Variants in KCNH8 observed in about 807,000 individuals in gnomAD.
KCNH8 encodes voltage-gated delayed rectifier potassium channel KCNH8.
In KCNH8, 70 loss-of-function variants were observed where a neutral mutation model predicts 103.6. The ratio of observed to expected loss-of-function variants is 0.68; its 90% confidence interval spans 0.56 to 0.82. The LOEUF (loss-of-function observed/expected upper bound fraction) is 0.82. Ranked by LOEUF, KCNH8 falls within the 40% of genes least tolerant of loss-of-function variation. KCNH8 has a pLI of 0.00. For synonymous variants in KCNH8, 498 were observed against 489.4 expected (o/e 1.02, Z -0.23); for missense variants, 1,217 against 1,329.9 (o/e 0.92, Z 1.32).
chr3:19,305,582 A>G (rs981818232), intron 3 of KCNH8, among the ~76,000 whole-genome samples: 2 of 152,064 alleles, frequency 1.3e-5, no homozygotes, highest in African/African-American at 4.8e-5. Context: ...ATCAAAACCT[A>G]TTGAGAGAAA....
intron 1 of KCNH8, among the ~76,000 whole-genome samples, chr3:19,183,213 A>T (rs1452127823): frequency 1.3e-5 from 2 of 152,210 alleles, no homozygotes; most frequent in Admixed American, 6.5e-5. Flanking sequence ...AGGAAATGAG[A>T]TATGTAATTA....
intron 2 of KCNH8, among the ~76,000 whole-genome samples, chr3:19,274,837 TCCCCACCCCTCCCCTCCCCTCCCCA>T (rs2064641468): frequency 9.8e-5 from 1 of 10,178 alleles, no homozygotes; most frequent in East Asian, 3.0e-3. Flanking sequence ...TTCCCTCCCC[TCCCCACCCCTCCCCTCCCCTCCCCA>T]CCCCTCCCCT....
intron 1 of KCNH8, among the ~76,000 whole-genome samples, chr3:19,252,170 A>G (rs1399956618): frequency 6.6e-6 from 1 of 152,090 alleles, no homozygotes; most frequent in Non-Finnish European, 1.5e-5. Context: ...CATCTCCAAC[A>G]TGCATCTTTT....
chr3:19,228,956 G>A (rs115731460), intron 1 of KCNH8, among the ~76,000 whole-genome samples: 1,920 of 152,288 alleles, frequency 0.013, 37 homozygotes, highest in African/African-American at 0.042. Context: ...CAGCGAAGCC[G>A]GATCTTGGAA....
intron 1 of KCNH8, among the ~76,000 whole-genome samples, chr3:19,153,403 A>G (rs1404682652): frequency 3.3e-5 from 5 of 152,078 alleles, no homozygotes; most frequent in Admixed American, 2.0e-4. Context: ...ATTTTTCATT[A>G]CTGTCAGTTC....
At chr3:19,159,450 A>G (rs984602801) in intron 1 of KCNH8, among the ~76,000 whole-genome samples, 4 of 152,144 alleles carry the variant, frequency 2.6e-5, no homozygotes, top group African/African-American at 9.6e-5. Flanking sequence ...AGGAAACTAC[A>G]CACCCATATT....
chr3:19,519,544 G>A (rs1032172499), intron 15 of KCNH8, among the ~76,000 whole-genome samples: 6 of 150,292 alleles, frequency 4.0e-5, no homozygotes, highest in East Asian at 2.0e-4. Context: ...CCGAAGGACC[G>A]ACTAACAAGG....
At chr3:19,284,911 G>GA (rs1488292966) in intron 3 of KCNH8, among the ~76,000 whole-genome samples, 5 of 149,184 alleles carry the variant, frequency 3.4e-5, no homozygotes, top group East Asian at 1.9e-4. Context: ...GAAAAGGAAA[G>GA]AAAGAAAAGA....
intron 3 of KCNH8, among the ~76,000 whole-genome samples, chr3:19,341,692 A>C (rs1221383028): frequency 6.6e-6 from 1 of 152,120 alleles, no homozygotes; most frequent in Admixed American, 6.6e-5. Context: ...ATGAACAATA[A>C]ATATTTAAAG....
intron 8 of KCNH8, among the ~76,000 whole-genome samples, chr3:19,445,343 G>A (rs1217837972): frequency 6.6e-6 from 1 of 151,608 alleles, no homozygotes; most frequent in Admixed American, 6.6e-5. Flanking sequence ...ATTGTGAAGG[G>A]GACACAGGGA....
intron 2 of KCNH8, among the ~76,000 whole-genome samples, chr3:19,274,929 G>A (rs1307923805): frequency 7.4e-6 from 1 of 135,226 alleles, no homozygotes; most frequent in East Asian, 2.3e-4. Flanking sequence ...CAGATATTCT[G>A]ACTTAACATA....
chr3:19,155,797 A>G (rs2063175623), intron 1 of KCNH8, among the ~76,000 whole-genome samples: 1 of 152,156 alleles, frequency 6.6e-6, no homozygotes, highest in Admixed American at 6.5e-5. Flanking sequence ...CTATACTTCC[A>G]CATGGCCTTG....
intron 5 of KCNH8, among the ~76,000 whole-genome samples, chr3:19,357,889 A>AAT (rs909378196): frequency 3.0e-4 from 46 of 151,708 alleles, no homozygotes; most frequent in African/African-American, 9.4e-4. Context: ...TAATAGAAGG[A>AAT]ATATATATAT....
intron 2 of KCNH8, among the ~76,000 whole-genome samples, chr3:19,272,703 A>G (rs892998284): frequency 6.6e-6 from 1 of 152,162 alleles, no homozygotes; most frequent in Non-Finnish European, 1.5e-5. Context: ...ATTAAGTGGC[A>G]TTTTCATGAA....
chr3:19,212,947 T>C (rs74580732), intron 1 of KCNH8, among the ~76,000 whole-genome samples: 6,191 of 152,246 alleles, frequency 0.041, 443 homozygotes, highest in African/African-American at 0.14. Context: ...ATTTTTTCAA[T>C]GAGAAAACTG....
intron 5 of KCNH8, among the ~76,000 whole-genome samples, chr3:19,356,548 A>G (rs1444963728): frequency 1.3e-5 from 2 of 152,062 alleles, no homozygotes. Context: ...GTTGCCTGTT[A>G]GTTACAAAGT....
chr3:19,301,710 A>G (rs1051983551), intron 3 of KCNH8, among the ~76,000 whole-genome samples: 2 of 152,118 alleles, frequency 1.3e-5, no homozygotes, highest in Non-Finnish European at 1.5e-5. Flanking sequence ...CTCCCATAAA[A>G]TTGTGCCCAT....
At position 19,188,498 on chromosome 3, in the gene KCNH8, A is replaced by AGAGG. The variant is rs1019663071; in HGVS notation, c.76+39705_76+39708dup. On this transcript the variant is annotated intron_variant, in intron 1 of 15. Transcript: ENST00000328405. ...AACATGTGGTGGGGTGATTATGTCC[A>AGAGG]GAGGGCCTTAGTTTGCTAACTCTTG... 5.9e-5 allele frequency among the ~76,000 whole-genome samples: 9 copies of AGAGG among 152,086 alleles called. 1 individual carries two copies. Among genetic ancestry groups the AGAGG allele is most frequent in the Admixed American group, 5.9e-4 (9 of 15,254 alleles).
intron 2 of KCNH8, among the ~76,000 whole-genome samples, chr3:19,272,301 G>A (rs2064599933): frequency 6.6e-6 from 1 of 151,810 alleles, no homozygotes; most frequent in South Asian, 2.1e-4. Context: ...AGAAGAAGGG[G>A]GCATAGATGA....
Sources: allele counts gnomAD v4.1 joint callset (sites outside exome capture counted in the v4.1 genomes callset), GRCh38; gene constraint gnomAD v4.1.1; transcripts MANE v1.5; gene names NCBI Gene and HGNC (gene_info 2026-07-23, HGNC 2026-07-21).